Variants in MAFK observed in about 807,000 individuals in gnomAD.
MAFK encodes the protein MAF bZIP transcription factor K.
MAFK carries 1 observed loss-of-function variant against 9.2 expected under a neutral mutation model. That is an observed-to-expected ratio of 0.11 (90% CI 0.04 to 0.52). The LOEUF is 0.52. MAFK is among the 20% of genes least tolerant of loss of function. The probability of loss-of-function intolerance (pLI) is 0.94; values close to 1 mark genes in which losing one functional copy is unlikely to be tolerated. For missense variants in MAFK, 207 were observed against 236.0 expected, an observed-to-expected ratio of 0.88 and a Z score of 0.81; for synonymous variants, 110 against 107.4, an observed-to-expected ratio of 1.02 and a Z score of -0.15.
At chr7:1,531,563 G>A (rs1562542056) in intron 1 of MAFK, among the ~76,000 whole-genome samples, 1 of 152,208 alleles carries the variant, frequency 6.6e-6, no homozygotes, top group African/African-American at 2.4e-5. Flanking sequence ...AGGTGACAGT[G>A]GCCCCAAGGC....
At chr7:1,536,886 C>T (rs1298530275) in intron 1 of MAFK, among the ~76,000 whole-genome samples, 1 of 152,212 alleles carries the variant, frequency 6.6e-6, no homozygotes, top group Non-Finnish European at 1.5e-5. Context: ...GAGTCGTGAC[C>T]TGCCCAAGGA....
At chr7:1,538,134 G>A (rs1005592235) in intron 1 of MAFK, 10 of 338,610 alleles carry the variant, frequency 3.0e-5, no homozygotes, top group South Asian at 2.4e-4. Context: ...CATGACAACC[G>A]TGGGGGCTGG....
chr7:1,540,088 C>T lies in MAFK; in HGVS notation c.184C>T (p.Arg62Cys). 1 of 1,565,468 alleles carries T rather than the reference C, an allele frequency of 6.4e-7. No individual in the cohort carries two copies. The highest frequency in any genetic ancestry group is 8.7e-7 in the Non-Finnish European group (1 of 1,155,166). Residue 62 changes from arginine to cysteine, a missense_variant, in exon 3 of 3, where the codon CGC becomes TGC. Arg to Cys is a radical substitution (Grantham distance 180, BLOSUM62 -3). Coordinates refer to ENST00000343242, the MANE Select transcript of MAFK (RefSeq NM_002360.4). ...GCAGCGTCGGCGCACACTCAAGAACCGCGGCTACGCGGCCAGCTGCCGCAT... is the reference window on the plus strand; with the variant it reads ...GCAGCGTCGGCGCACACTCAAGAACTGCGGCTACGCGGCCAGCTGCCGCAT... ...LKQRRRTLKN[R>C]GYAASCRIKR... is the part of the protein sequence containing the mutation.
intron 1 of MAFK, among the ~76,000 whole-genome samples, chr7:1,533,769 C>T (rs1170472890): frequency 6.6e-6 from 1 of 151,660 alleles, no homozygotes; most frequent in Non-Finnish European, 1.5e-5. Flanking sequence ...GCAGGGGCAA[C>T]TCCGGTGAAT....
At chr7:1,539,601 C>T (rs1012997820) in intron 2 of MAFK, among the ~76,000 whole-genome samples, 15 of 152,248 alleles carry the variant, frequency 9.9e-5, no homozygotes, top group Admixed American at 6.5e-4. Flanking sequence ...CTGTGCCTGG[C>T]GCTTGCCGCC....
At chr7:1,539,734 C>A (rs943830599) in intron 2 of MAFK, among the ~76,000 whole-genome samples, 12 of 152,210 alleles carry the variant, frequency 7.9e-5, no homozygotes, top group Non-Finnish European at 1.5e-4. Flanking sequence ...CTGGCTTTTC[C>A]CGTTCAGAAA....
At chr7:1,537,129 C>T (rs1325580677) in intron 1 of MAFK, among the ~76,000 whole-genome samples, 1 of 152,256 alleles carries the variant, frequency 6.6e-6, no homozygotes, top group Admixed American at 6.5e-5. Flanking sequence ...CAGGGCATCG[C>T]GGAGGCATCT....
Position 1,540,166 on chromosome 7 carries a change from C to G in MAFK, c.262C>G (p.Gln88Glu), listed in dbSNP as rs2128552528. The change falls in exon 3 of 3, where the codon CAG (glutamine) becomes GAG (glutamate). Residue 88 changes from glutamine to glutamate, a missense_variant. Coordinates refer to ENST00000343242, the MANE Select transcript of MAFK (RefSeq NM_002360.4). ...GGAGCGGCAGCGCGTGGAGCTGCAG[C>G]AGGAGGTGGAGAAGCTGGCGCGTGA... The part of the protein sequence containing the change: ...ELERQRVELQ[Q>E]EVEKLARENS... 2 of 1,572,506 alleles carry G rather than the reference C, an allele frequency of 1.3e-6. No individual in the cohort carries two copies. Among genetic ancestry groups the G allele is most frequent in the Admixed American group, 3.7e-5 (2 of 53,710 alleles).
chr7:1,533,495 C>T (rs1053143914), intron 1 of MAFK, among the ~76,000 whole-genome samples: 1 of 152,144 alleles, frequency 6.6e-6, no homozygotes, highest in Non-Finnish European at 1.5e-5. Context: ...ACCACGTGCT[C>T]TCTGCAGATG....
At chr7:1,531,220 G>T (rs1783897117) in intron 1 of MAFK, among the ~76,000 whole-genome samples, 1 of 149,962 alleles carries the variant, frequency 6.7e-6, no homozygotes, top group South Asian at 2.1e-4. Context: ...ATCCACGCGG[G>T]TCGGCGGCGC....
chr7:1,537,014 C>T (rs1583199798), intron 1 of MAFK, among the ~76,000 whole-genome samples: 1 of 152,216 alleles, frequency 6.6e-6, no homozygotes, highest in African/African-American at 2.4e-5. Flanking sequence ...GGGGTTGGAG[C>T]GGGGCACAGG....
At chr7:1,531,291 C>T (rs1261416027) in intron 1 of MAFK, among the ~76,000 whole-genome samples, 1 of 150,630 alleles carries the variant, frequency 6.6e-6, no homozygotes, top group Non-Finnish European at 1.5e-5. Context: ...CACGTGCGGG[C>T]GGTGCGGGGA....
chr7:1,539,288 C>T lies in MAFK; in HGVS notation c.36+60C>T, dbSNP rs565737109. The T allele has an allele frequency of 9.3e-6, 13 of 1,397,164 alleles. No individual in the cohort carries two copies. In the African/African-American group the frequency reaches 1.8e-4, roughly 19 times the overall value. The allele number at this position is 1,397,164 out of a possible 1,614,324, so 86.5% of individuals were successfully genotyped here. ...ACAGGCGTGGGAAAGGCCCCCGGCC[C>T]GACAGCCCCTGCTATCCCAGGGCCG... is the stretch of plus-strand genomic sequence containing the variant. On this transcript the variant is annotated intron_variant, in intron 2 of 2. Coordinates refer to ENST00000343242, the MANE Select transcript of MAFK (RefSeq NM_002360.4).
rs1481075441 is a variant in MAFK, at chr7:1,538,965, G to A, written c.-44-184G>A. On this transcript the variant is annotated intron_variant, in intron 1 of 2. Coordinates refer to ENST00000343242, the MANE Select transcript of MAFK (RefSeq NM_002360.4). ...CAGGCAGGGACAGAGGCCGGGCCAG[G>A]ATGCCTCACCCCCTGGGAAGCCCCT... The A allele has an allele frequency of 2.8e-5, 16 of 577,996 alleles. No homozygotes were observed. The East Asian group carries it at 4.9e-4, about 18-fold the overall frequency. The allele number at this position is 577,996 out of a possible 1,614,324, so 35.8% of individuals were successfully genotyped here.
chr7:1,536,293 C>T (rs947275828), intron 1 of MAFK, among the ~76,000 whole-genome samples: 2 of 152,044 alleles, frequency 1.3e-5, no homozygotes, highest in Admixed American at 6.5e-5. Context: ...GGTGCTTGTG[C>T]GTGGCGATGC....
intron 1 of MAFK, among the ~76,000 whole-genome samples, chr7:1,535,082 A>ATTTTTTT (rs1554285288): frequency 8.8e-5 from 6 of 67,856 alleles, no homozygotes; most frequent in Non-Finnish European, 1.5e-4. Context: ...GCTATTTAAA[A>ATTTTTTT]TTCTTTTTTT....
rs532981065 is a variant in MAFK, at chr7:1,534,145, C to T, written c.-45+3247C>T. The stretch of plus-strand genomic sequence containing the variant: ...AGGCTGCTGGCTGGTATGGGCCGGG[C>T]TGCGGGGTGCCAAGTGGGGTGCCTC... On this transcript the variant is annotated intron_variant, in intron 1 of 2. Coordinates refer to ENST00000343242, the MANE Select transcript of MAFK (RefSeq NM_002360.4). The surrounding 1 kb of genome is among the most constrained non-coding windows in gnomAD (Gnocchi z 4.3). The T allele has an allele frequency of 2.3e-6, 1 of 436,756 alleles. No individual in the cohort carries two copies. Among genetic ancestry groups the T allele is most frequent in the East Asian group, 7.2e-5 (1 of 13,928 alleles). 27.1% of individuals were successfully genotyped at this position (436,756 alleles called of 1,614,324 possible).
At chr7:1,531,550 G>A (rs530791208) in intron 1 of MAFK, among the ~76,000 whole-genome samples, 2 of 152,312 alleles carry the variant, frequency 1.3e-5, no homozygotes, top group Admixed American at 6.5e-5. Flanking sequence ...GCGGGAGGGG[G>A]GCAGGTGACA....
chr7:1,533,957 T>G (rs1583196977), intron 1 of MAFK: 31 of 277,454 alleles, frequency 1.1e-4, no homozygotes, highest in Middle Eastern at 2.7e-3. Flanking sequence ...CTGGAGGGGG[T>G]GTGGTGTGTT....
Sources: allele counts gnomAD v4.1 joint callset (sites outside exome capture counted in the v4.1 genomes callset), GRCh38; gene constraint gnomAD v4.1.1; non-coding constraint Gnocchi (gnomAD v3.1); transcripts MANE v1.5; gene names NCBI Gene and HGNC (gene_info 2026-07-23, HGNC 2026-07-21).